The following CADPS2 variants were observed in gnomAD, a reference collection of about 807,000 sequenced individuals.
CADPS2 encodes the protein calcium-dependent secretion activator 2.
CADPS2 carries 93 observed loss-of-function variants against 172.5 expected under a neutral mutation model. That is an observed-to-expected ratio of 0.54 (90% CI 0.46 to 0.64). The LOEUF is 0.64. Ranked by LOEUF, CADPS2 falls within the 30% of genes least tolerant of loss-of-function variation. The pLI is 0.00. For missense variants in CADPS2, 1,420 were observed against 1,565.9 expected (o/e 0.91, Z 1.57); for synonymous variants, 546 against 555.2 (o/e 0.98, Z 0.23).
intron 1 of CADPS2, among the ~76,000 whole-genome samples, chr7:122,864,392 A>AT (rs1055874941): frequency 4.6e-5 from 7 of 152,112 alleles, no homozygotes; most frequent in Non-Finnish European, 8.8e-5. Context: ...GGTCAGGAGG[A>AT]TTGTTTGAGC....
chr7:122,338,666 G>A (rs1032931659), intron 28 of CADPS2, among the ~76,000 whole-genome samples: 2 of 152,156 alleles, frequency 1.3e-5, no homozygotes, highest in Admixed American at 6.5e-5. Flanking sequence ...ACTAATTTGT[G>A]AAGACCATAT....
At chr7:122,800,671 T>C (rs1797416270) in intron 1 of CADPS2, among the ~76,000 whole-genome samples, 1 of 152,064 alleles carries the variant, frequency 6.6e-6, no homozygotes, top group South Asian at 2.1e-4. Context: ...AATAAGAATT[T>C]ACAACTAAAG....
At chr7:122,844,330 AC>A (rs903499135) in intron 1 of CADPS2, among the ~76,000 whole-genome samples, 7 of 152,242 alleles carry the variant, frequency 4.6e-5, no homozygotes, top group South Asian at 4.1e-4. Context: ...AGTTAAAAAA[AC>A]ATCCCGCTTG....
intron 1 of CADPS2, among the ~76,000 whole-genome samples, chr7:122,740,681 C>T (rs1036047708): frequency 4.0e-5 from 6 of 151,692 alleles, no homozygotes; most frequent in Non-Finnish European, 5.9e-5. Context: ...AATTTATTTG[C>T]ATTAAAAATA....
At chr7:122,529,224 C>T (rs1419084491) in intron 8 of CADPS2, among the ~76,000 whole-genome samples, 2 of 151,398 alleles carry the variant, frequency 1.3e-5, no homozygotes, top group East Asian at 3.9e-4. Context: ...TCAGTACCTT[C>T]CCACCCCAAA....
intron 9 of CADPS2, among the ~76,000 whole-genome samples, chr7:122,499,209 T>C (rs1208254986): frequency 6.6e-6 from 1 of 152,234 alleles, no homozygotes; most frequent in Non-Finnish European, 1.5e-5. Flanking sequence ...TTCTAGCCCA[T>C]CATTTCACAG....
At chr7:122,674,451 C>T (rs1347977321) in intron 2 of CADPS2, among the ~76,000 whole-genome samples, 2 of 152,070 alleles carry the variant, frequency 1.3e-5, no homozygotes, top group Non-Finnish European at 2.9e-5. Flanking sequence ...AATCTGAGCA[C>T]CACCAACTGC....
intron 1 of CADPS2, among the ~76,000 whole-genome samples, chr7:122,829,976 T>C (rs1806034942): frequency 6.6e-6 from 1 of 151,570 alleles, no homozygotes; most frequent in African/African-American, 2.4e-5. Flanking sequence ...TAAAATGAGG[T>C]GTACTATATA....
chr7:122,774,065 T>A (rs1468912825), intron 1 of CADPS2, among the ~76,000 whole-genome samples: 1 of 152,012 alleles, frequency 6.6e-6, no homozygotes, highest in Non-Finnish European at 1.5e-5. Context: ...GACACTAAAG[T>A]CTTGCAAGCA....
chr7:122,543,799 T>C (rs1262418347), intron 8 of CADPS2, among the ~76,000 whole-genome samples: 1 of 152,148 alleles, frequency 6.6e-6, no homozygotes, highest in Non-Finnish European at 1.5e-5. Context: ...ATAATGTGTA[T>C]CCACTATGTT....
Position 122,468,344 on chromosome 7 carries a change from A to G in CADPS2, c.2186+3031T>C, listed in dbSNP as rs1057020638. 2.0e-5 allele frequency among the ~76,000 whole-genome samples: 3 copies of G among 152,226 alleles called. No individual in the cohort carries two copies. In the East Asian group the frequency reaches 5.8e-4, roughly 29 times the overall value. On this transcript the variant is annotated intron_variant, in intron 14 of 29. Coordinates refer to ENST00000449022, the MANE Select transcript of CADPS2 (RefSeq NM_017954.11). ...ACAGTATGTTTAAACAAAAGTCTCT[A>G]TAAATATCAGATGCTACAGACATGG...
intron 2 of CADPS2, among the ~76,000 whole-genome samples, chr7:122,683,421 C>A (rs565712614): frequency 2.6e-5 from 4 of 152,138 alleles, no homozygotes; most frequent in Non-Finnish European, 4.4e-5. Context: ...CTCTTACAAC[C>A]ACCATTCCAG....
chr7:122,328,345 C>T (rs1394072531), intron 28 of CADPS2: 2 of 152,134 alleles, frequency 1.3e-5, no homozygotes, highest in East Asian at 1.9e-4. Context: ...TCCACCAAAC[C>T]AAACCAAACA....
chr7:122,863,328 G>A (rs1413075075), intron 1 of CADPS2, among the ~76,000 whole-genome samples: 4 of 152,092 alleles, frequency 2.6e-5, no homozygotes, highest in Non-Finnish European at 5.9e-5. Context: ...TTATGAACAA[G>A]TTTTTGCCTA....
chr7:122,439,509 T>A (rs1489948116), intron 16 of CADPS2: 2 of 152,154 alleles, frequency 1.3e-5, no homozygotes, highest in Admixed American at 1.3e-4. Flanking sequence ...CTCTTGTAAG[T>A]CAGCCTCAGC....
chr7:122,818,113 C>T (rs978668517), intron 1 of CADPS2, among the ~76,000 whole-genome samples: 3 of 151,782 alleles, frequency 2.0e-5, no homozygotes, highest in African/African-American at 7.3e-5. Flanking sequence ...TAAGAACCCC[C>T]GAACCCCTTC....
At chr7:122,542,405 T>C (rs894377520) in intron 8 of CADPS2, among the ~76,000 whole-genome samples, 2 of 152,176 alleles carry the variant, frequency 1.3e-5, no homozygotes, top group African/African-American at 2.4e-5. Flanking sequence ...GGCTAAATCT[T>C]TGGGTAAACA....
At chr7:122,849,865 C>A in intron 1 of CADPS2, 1 of 581,812 alleles carries the variant, frequency 1.7e-6, no homozygotes, top group South Asian at 1.5e-5. Context: ...CTGGGCAGAT[C>A]TCAAGCCAGG....
chr7:122,727,666 A>G (rs1196281198), intron 2 of CADPS2, among the ~76,000 whole-genome samples: 1 of 151,876 alleles, frequency 6.6e-6, no homozygotes. Flanking sequence ...TCTACAATCC[A>G]TGCATTATCC....
Sources: gnomAD v4.1 joint callset for allele counts (sites outside exome capture counted in the v4.1 genomes callset) on GRCh38, gnomAD v4.1.1 for gene constraint, MANE v1.5 for transcripts, NCBI Gene and HGNC (gene_info 2026-07-23, HGNC 2026-07-21) for gene names.